GALNT17: variants seen among roughly 807,000 people sequenced by gnomAD.
GALNT17 encodes polypeptide N-acetylgalactosaminyltransferase 17.
GALNT17 carries 29 observed loss-of-function variants against 63.7 expected under a neutral mutation model. That is an observed-to-expected ratio of 0.46 (90% CI 0.34 to 0.62). The LOEUF is 0.62. GALNT17 is among the 20% of genes least tolerant of loss of function. The pLI, the probability that GALNT17 is intolerant of heterozygous loss-of-function variation, is 0.01. For missense variants in GALNT17, 603 were observed against 799.6 expected, an observed-to-expected ratio of 0.75 and a Z score of 2.97; for synonymous variants, 305 against 318.3, an observed-to-expected ratio of 0.96 and a Z score of 0.45.
At chr7:71,274,148 C>T (rs1262142536) in intron 1 of GALNT17, among the ~76,000 whole-genome samples, 1 of 152,210 alleles carries the variant, frequency 6.6e-6, no homozygotes, top group East Asian at 1.9e-4. Flanking sequence ...CATATTTCTA[C>T]TCTGGTGGAT....
chr7:71,433,932 C>T (rs1306921576), intron 5 of GALNT17, among the ~76,000 whole-genome samples: 1 of 115,320 alleles, frequency 8.7e-6, no homozygotes, highest in Non-Finnish European at 1.8e-5. Context: ...CAGCTGCCAG[C>T]GTGGCTAGGA....
intron 5 of GALNT17, among the ~76,000 whole-genome samples, chr7:71,446,036 A>T (rs1474045865): frequency 6.6e-6 from 1 of 152,252 alleles, no homozygotes; most frequent in African/African-American, 2.4e-5. Context: ...GAAATTGCAG[A>T]GGCTTAAATC....
At chr7:71,363,459 A>G (rs1041605177) in intron 2 of GALNT17, among the ~76,000 whole-genome samples, 4 of 152,200 alleles carry the variant, frequency 2.6e-5, no homozygotes, top group African/African-American at 4.8e-5. Context: ...CCAGCAGCCA[A>G]TGCCAGCCGC....
At chr7:71,614,817 G>C (rs1368871633) in intron 6 of GALNT17, among the ~76,000 whole-genome samples, 1 of 140,880 alleles carries the variant, frequency 7.1e-6, no homozygotes, top group African/African-American at 2.6e-5. Context: ...AATAGAGAAA[G>C]AGAGAGAATG....
intron 6 of GALNT17, among the ~76,000 whole-genome samples, chr7:71,617,355 C>G (rs1790228244): frequency 6.9e-6 from 1 of 145,388 alleles, no homozygotes; most frequent in Non-Finnish European, 1.5e-5. Flanking sequence ...GAGACGGAGT[C>G]TCTGTCACCA....
chr7:71,407,349 C>T (rs540955610), intron 3 of GALNT17, among the ~76,000 whole-genome samples: 4 of 152,282 alleles, frequency 2.6e-5, no homozygotes, highest in East Asian at 1.9e-4. Context: ...CCAGACTGGG[C>T]TTTAGGAGCA....
chr7:71,675,749 G>T (rs1428683925), intron 8 of GALNT17, among the ~76,000 whole-genome samples: 1 of 152,206 alleles, frequency 6.6e-6, no homozygotes, highest in Admixed American at 6.5e-5. Flanking sequence ...CACTTTGGGA[G>T]GCCAAGGCAG....
chr7:71,699,552 T>C (rs138876963), intron 9 of GALNT17, among the ~76,000 whole-genome samples: 163 of 149,838 alleles, frequency 1.1e-3, no homozygotes, highest in Non-Finnish European at 2.1e-3. Flanking sequence ...ATGGAAAGGG[T>C]TATGTCAGGC....
intron 5 of GALNT17, among the ~76,000 whole-genome samples, chr7:71,534,232 A>C (rs1354869942): frequency 6.6e-6 from 1 of 152,162 alleles, no homozygotes; most frequent in East Asian, 1.9e-4. Context: ...CAGAAGGAGA[A>C]GCAAATGTGT....
At chr7:71,250,247 C>G (rs1272123629) in intron 1 of GALNT17, among the ~76,000 whole-genome samples, 2 of 151,780 alleles carry the variant, frequency 1.3e-5, no homozygotes, top group East Asian at 3.9e-4. Context: ...ATGCCATAGG[C>G]TCTTGAGGGA....
intron 1 of GALNT17, among the ~76,000 whole-genome samples, chr7:71,219,114 T>G (rs1789537199): frequency 6.6e-6 from 1 of 152,170 alleles, no homozygotes; most frequent in Non-Finnish European, 1.5e-5. Context: ...TCCCATCTCA[T>G]ATGATATTTG....
At chr7:71,654,173 G>A (rs1375011549) in intron 6 of GALNT17, among the ~76,000 whole-genome samples, 1 of 151,960 alleles carries the variant, frequency 6.6e-6, no homozygotes, top group Non-Finnish European at 1.5e-5. Flanking sequence ...CTGCCACCAC[G>A]CCCAGCTAAT....
chr7:71,199,468 C>A (rs1044692109), intron 1 of GALNT17, among the ~76,000 whole-genome samples: 7 of 152,088 alleles, frequency 4.6e-5, no homozygotes, highest in Admixed American at 1.3e-4. Flanking sequence ...TACCCTTACC[C>A]TCTCTGTCCC....
At chr7:71,139,966 C>T (rs1219438109) in intron 1 of GALNT17, among the ~76,000 whole-genome samples, 1 of 152,124 alleles carries the variant, frequency 6.6e-6, no homozygotes, top group Non-Finnish European at 1.5e-5. Flanking sequence ...TGCACTCCAG[C>T]CAGGGAGACA....
At chr7:71,449,108 C>CTTTTTTGTTTT (rs1787211431) in intron 5 of GALNT17, among the ~76,000 whole-genome samples, 1 of 72,754 alleles carries the variant, frequency 1.4e-5, no homozygotes, top group Non-Finnish European at 2.3e-5. Context: ...TGCCTATTTT[C>CTTTTTTGTTTT]TTTTTTTTTT....
intron 7 of GALNT17, 50 bp downstream of exon 7, chr7:71,665,646 GT>G: frequency 6.4e-7 from 1 of 1,552,136 alleles, no homozygotes; most frequent in Middle Eastern, 1.7e-4. Flanking sequence ...GATCCTTACT[GT>G]TTGATCACTA....
At chr7:71,571,121 A>G (rs184295268) in intron 5 of GALNT17, among the ~76,000 whole-genome samples, 164 bp from the exon 6 acceptor site, 52 of 124,478 alleles carry the variant, frequency 4.2e-4, no homozygotes, top group African/African-American at 1.5e-3. Flanking sequence ...GGAACCCAGT[A>G]CATGCTAGGC....
At chr7:71,518,050 G>T (rs1584020112) in intron 5 of GALNT17, among the ~76,000 whole-genome samples, 1 of 152,308 alleles carries the variant, frequency 6.6e-6, no homozygotes, top group Non-Finnish European at 1.5e-5. Flanking sequence ...TGCCATCCAG[G>T]GTGGCTGGAG....
chr7:71,563,572 G>A (rs1789290992), intron 5 of GALNT17, among the ~76,000 whole-genome samples: 2 of 152,108 alleles, frequency 1.3e-5, no homozygotes, highest in Admixed American at 1.3e-4. Context: ...TCCATGGGCA[G>A]ATATGTCTTT....
Sources: gnomAD v4.1 joint callset for allele counts (sites outside exome capture counted in the v4.1 genomes callset) on GRCh38, gnomAD v4.1.1 for gene constraint, MANE v1.5 for transcripts, NCBI Gene and HGNC (gene_info 2026-07-23, HGNC 2026-07-21) for gene names.